CC2D2B: variants seen among roughly 807,000 people sequenced by gnomAD.
CC2D2B encodes the protein protein CC2D2B.
CC2D2B carries 128 observed loss-of-function variants against 161.2 expected under a neutral mutation model. The ratio of observed to expected loss-of-function variants is 0.79; its 90% CI spans 0.69 to 0.92. CC2D2B has a LOEUF of 0.92. CC2D2B is among the 40% of genes least tolerant of loss of function. CC2D2B has a pLI of 0.00. For synonymous variants in CC2D2B, 391 were observed against 449.8 expected (o/e 0.87, Z 1.65); for missense variants, 1,173 against 1,375.1 (o/e 0.85, Z 2.32).
intron 3 of CC2D2B, among the ~76,000 whole-genome samples, chr10:95,922,910 C>A (rs1341081236): frequency 1.3e-5 from 2 of 151,928 alleles, no homozygotes; most frequent in African/African-American, 4.8e-5. Context: ...AGCGGTGGTC[C>A]CACCTCAGCC....
Position 96,023,195 on chromosome 10 carries a change from T to C in CC2D2B, c.3889-1658T>C, listed in dbSNP as rs111525372. 1.3e-3 allele frequency among the ~76,000 whole-genome samples: 199 copies of C among 152,376 alleles called. 3 individuals are homozygous for C. The highest frequency in any genetic ancestry group is 4.5e-3 in the African/African-American group (188 of 41,588). ...ACTTAGGGCTGAAACTAAAGCCTTC[T>C]GCCAAGTTGAATCTATAAATGTAAA... On this transcript the variant is annotated intron_variant, in intron 32 of 34. Coordinates refer to ENST00000646931, the MANE Select transcript of CC2D2B (RefSeq NM_001349008.3).
chr10:96,014,120 A>C (rs2079098109), intron 29 of CC2D2B, among the ~76,000 whole-genome samples: 1 of 152,180 alleles, frequency 6.6e-6, no homozygotes, highest in Non-Finnish European at 1.5e-5. Context: ...TTCCAGGAGT[A>C]TAATATTATG....
At chr10:95,971,591 T>G (rs184558287) in intron 15 of CC2D2B, among the ~76,000 whole-genome samples, 12 of 152,232 alleles carry the variant, frequency 7.9e-5, no homozygotes, top group African/African-American at 2.6e-4. Context: ...GTTTAACTCA[T>G]CCTTGAATTT....
At chr10:95,994,446 C>T (rs1050017074) in intron 22 of CC2D2B, among the ~76,000 whole-genome samples, 5 of 152,184 alleles carry the variant, frequency 3.3e-5, no homozygotes, top group Admixed American at 2.0e-4. Flanking sequence ...GGACAAGGAG[C>T]GTGACCATTG....
At chr10:95,912,742 G>C (rs937634877) in intron 2 of CC2D2B, among the ~76,000 whole-genome samples, 1 of 152,040 alleles carries the variant, frequency 6.6e-6, no homozygotes, top group Non-Finnish European at 1.5e-5. Flanking sequence ...GGTAATACAT[G>C]AACACTAAGA....
intron 18 of CC2D2B, among the ~76,000 whole-genome samples, chr10:95,983,358 T>C (rs886636680): frequency 6.6e-6 from 1 of 152,216 alleles, no homozygotes; most frequent in Non-Finnish European, 1.5e-5. Flanking sequence ...CAGTGTACAA[T>C]ACAAAATTCA....
intron 30 of CC2D2B, among the ~76,000 whole-genome samples, chr10:96,016,714 T>G (rs2079214913): frequency 6.6e-6 from 1 of 152,030 alleles, no homozygotes; most frequent in African/African-American, 2.4e-5. Flanking sequence ...CATCATATGG[T>G]TTTTGTTTTT....
chr10:96,008,419 A>G (rs1031468629), intron 25 of CC2D2B, among the ~76,000 whole-genome samples: 3 of 152,098 alleles, frequency 2.0e-5, no homozygotes, highest in Non-Finnish European at 4.4e-5. Context: ...AAATGCTTTC[A>G]TTTCTCTTAG....
intron 6 of CC2D2B, among the ~76,000 whole-genome samples, chr10:95,928,610 A>G (rs1019575932): frequency 6.6e-6 from 1 of 151,732 alleles, no homozygotes; most frequent in African/African-American, 2.4e-5. Context: ...CCCTGTGTCC[A>G]TGTGTTCTCA....
At chr10:95,922,157 T>G in intron 3 of CC2D2B, 81 bp downstream of exon 3, 1 of 737,828 alleles carries the variant, frequency 1.4e-6, no homozygotes, top group Non-Finnish European at 2.1e-6. Flanking sequence ...GTGCCAGGGT[T>G]TCAGCTGGGA....
chr10:96,006,064 C>G (rs916226311), intron 25 of CC2D2B, among the ~76,000 whole-genome samples: 1 of 151,772 alleles, frequency 6.6e-6, no homozygotes, highest in Admixed American at 6.6e-5. Flanking sequence ...TTTAAAGAAC[C>G]AACTACTGAA....
chr10:95,955,368 G>A (rs942315686), intron 10 of CC2D2B, 26 bp from the exon 11 acceptor site: 24 of 388,466 alleles, frequency 6.2e-5, no homozygotes, highest in Non-Finnish European at 9.1e-5. Flanking sequence ...AAAATATACC[G>A]AAGAGCTCTT....
chr10:96,019,106 TA>T, intron 30 of CC2D2B, 96 bp from the exon 31 acceptor site: 6 of 1,084,802 alleles, frequency 5.5e-6, no homozygotes, highest in Non-Finnish European at 7.8e-6. Context: ...CACACTCCAC[TA>T]AAAAAGGCTT....
chr10:96,001,368 AATTT>A (rs796537087), intron 24 of CC2D2B, among the ~76,000 whole-genome samples: 12 of 152,122 alleles, frequency 7.9e-5, no homozygotes, highest in African/African-American at 2.9e-4. Context: ...ATTTTTTTAT[AATTT>A]ATTTTCTATA....
At chr10:96,029,286 GTATATATATA>G (rs58363071) in intron 34 of CC2D2B, among the ~76,000 whole-genome samples, 20 of 70,636 alleles carry the variant, frequency 2.8e-4, no homozygotes, top group Admixed American at 9.8e-4. Flanking sequence ...ATATATATAT[GTATATATATA>G]TATATATATG....
At chr10:95,915,406 C>T (rs760432741) in intron 2 of CC2D2B, among the ~76,000 whole-genome samples, 2 of 151,872 alleles carry the variant, frequency 1.3e-5, no homozygotes, top group African/African-American at 2.4e-5. Context: ...TTATTTCTTT[C>T]GTCTGATTGC....
intron 25 of CC2D2B, 109 bp downstream of exon 25, chr10:96,004,357 C>A: frequency 1.6e-6 from 1 of 608,544 alleles, no homozygotes; most frequent in Non-Finnish European, 2.8e-6. Flanking sequence ...TGTCTACATC[C>A]AACATTTTCT....
At chr10:96,002,908 G>T (rs2078563424) in intron 24 of CC2D2B, among the ~76,000 whole-genome samples, 1 of 151,856 alleles carries the variant, frequency 6.6e-6, no homozygotes, top group South Asian at 2.1e-4. Context: ...AGCCAAGTGT[G>T]GTGGTACAGC....
rs2076347984 is a variant in CC2D2B at position 95,950,075 on chromosome 10, A to G, written c.981A>G (p.Gln327=). ...QLYECFQDRQ[Q]QNVSQLLYEK... ...ATGAATGTTTTCAGGACAGGCAGCA[A>G]CAGAATGTATCTCAGCTGCTTTATG... The change falls in exon 10 of 35, where the codon CAA becomes CAG. Residue 327 remains glutamine, a synonymous_variant. Coordinates refer to ENST00000646931, the MANE Select transcript of CC2D2B (RefSeq NM_001349008.3). 2 of 398,714 alleles carry G rather than the reference A, an allele frequency of 5.0e-6. No homozygotes were observed. Among genetic ancestry groups the G allele is most frequent in the Non-Finnish European group, 8.9e-6 (2 of 225,936 alleles). The allele number at this position is 398,714 out of a possible 1,614,324, so 24.7% of individuals were successfully genotyped here. A position where few individuals can be genotyped will look rare whatever the true frequency, so the allele number is the denominator to read the frequency against.
Sources: gnomAD v4.1 joint callset for allele counts (sites outside exome capture counted in the v4.1 genomes callset) on GRCh38, gnomAD v4.1.1 for gene constraint, MANE v1.5 for transcripts, NCBI Gene and HGNC (gene_info 2026-07-23, HGNC 2026-07-21) for gene names.